CFAP46: variants seen among roughly 807,000 people sequenced by gnomAD.
CFAP46 encodes cilia- and flagella-associated protein 46.
Under a neutral mutation model 325.7 loss-of-function variants are expected in CFAP46, and 245 were observed. The observed-to-expected ratio is 0.75, with a 90% CI of 0.68 to 0.84. The LOEUF (loss-of-function observed/expected upper bound fraction) is 0.84, where lower values mean the gene tolerates loss of function less well. Ranked by LOEUF, CFAP46 falls within the 40% of genes least tolerant of loss-of-function variation. The probability of loss-of-function intolerance (pLI) is 0.00; values close to 1 mark genes in which losing one functional copy is unlikely to be tolerated. For missense variants in CFAP46, 3,346 were observed against 3,543.0 expected (o/e 0.94, Z 1.41); for synonymous variants, 1,523 against 1,495.9 (o/e 1.02, Z -0.42).
At chr10:132,874,409 G>A (rs1373277708) in intron 31 of CFAP46, among the ~76,000 whole-genome samples, 5 of 58,614 alleles carry the variant, frequency 8.5e-5, no homozygotes, top group African/African-American at 2.1e-4. Context: ...AATTATTAGC[G>A]AATAGAAATA....
Position 132,857,618 on chromosome 10 carries a change from C to T in CFAP46, c.5546G>A (p.Ser1849Asn). 1 of 1,612,898 alleles carries T rather than the reference C, an allele frequency of 6.2e-7. No homozygotes were observed. Among genetic ancestry groups the T allele is most frequent in the Non-Finnish European group, 8.5e-7 (1 of 1,179,486 alleles). The change falls in exon 39 of 58, where the codon AGC becomes AAC. Residue 1849 changes from serine (S) to asparagine (N), a missense_variant. Ser to Asn is a conservative substitution (Grantham distance 46). Transcript: ENST00000368586. ...TTGAAGTGACAATAGGCCCTGGACG[C>T]TGTGAAGCCTCCCTTCTTCCTCAGC... ...AMAEEEGRLH[S>N]VQGLLSLQDL...
At position 132,873,955 on chromosome 10, in the gene CFAP46, T is replaced by C. The variant is rs187704292; in HGVS notation, c.4363-1131A>G. Among the ~76,000 whole-genome samples, 1,501 of 152,320 alleles carry C rather than the reference T, an allele frequency of 9.9e-3. 15 individuals carry two copies. Among genetic ancestry groups the C allele is most frequent in the South Asian group, 0.044 (210 of 4,826 alleles). On this transcript the variant is annotated intron_variant, in intron 31 of 57. Coordinates refer to ENST00000368586, the MANE Select transcript of CFAP46 (RefSeq NM_001200049.3). ...CTGTTACAAGAAGAAACAGAAACTC[T>C]GAAGAATTCTATAACTATGAAATAA...
intron 9 of CFAP46, chr10:132,929,129 G>A (rs1031699439): frequency 5.9e-5 from 14 of 237,094 alleles, no homozygotes; most frequent in African/African-American, 1.1e-4. Context: ...TCCGAAACCC[G>A]ATTATACTGT....
intron 48 of CFAP46, 114 bp from the exon 49 acceptor site, chr10:132,834,237 A>C: frequency 2.1e-6 from 2 of 952,864 alleles, no homozygotes; most frequent in African/African-American, 1.6e-5. Flanking sequence ...ACGAATCCCC[A>C]CGCTCACTTC....
intron 25 of CFAP46, among the ~76,000 whole-genome samples, chr10:132,890,538 GT>G (rs1381228139): frequency 6.6e-6 from 1 of 152,130 alleles, no homozygotes; most frequent in Admixed American, 6.5e-5. Flanking sequence ...CCAGTGCGGA[GT>G]CCCCCCCAGA....
intron 33 of CFAP46, among the ~76,000 whole-genome samples, chr10:132,868,457 A>T (rs968718919): frequency 2.0e-5 from 3 of 149,302 alleles, no homozygotes; most frequent in Non-Finnish European, 3.0e-5. Context: ...GGCTGCACAG[A>T]TAACTCACGG....
intron 34 of CFAP46, 79 bp downstream of exon 34, chr10:132,867,296 C>T (rs1257189607): frequency 1.3e-6 from 2 of 1,498,698 alleles, no homozygotes; most frequent in African/African-American, 2.8e-5. Context: ...CCGCCTGGCT[C>T]AGCTGCAGCC....
chr10:132,838,809 C>T (rs993637028), intron 44 of CFAP46, among the ~76,000 whole-genome samples: 8 of 152,270 alleles, frequency 5.3e-5, no homozygotes, highest in Non-Finnish European at 1.0e-4. Flanking sequence ...CTGCTGCACC[C>T]ACGGGCTACT....
intron 37 of CFAP46, 80 bp downstream of exon 37, chr10:132,860,337 G>A (rs1488147803): frequency 1.7e-5 from 18 of 1,084,914 alleles, no homozygotes; most frequent in Non-Finnish European, 2.5e-5. Flanking sequence ...TAGACTTGAC[G>A]TATGGCACAA....
chr10:132,885,283 C>T lies in CFAP46; in HGVS notation c.3447G>A (p.Leu1149=). 6.5e-7 allele frequency: 1 copy of T among 1,543,374 alleles called. No homozygotes were observed. Among genetic ancestry groups the T allele is most frequent in the Non-Finnish European group, 8.8e-7 (1 of 1,142,038 alleles). Residue 1149 remains leucine (L), a synonymous_variant, in exon 27 of 58, where the codon TTG becomes TTA. Transcript: ENST00000368586. ...TCACGATGACCATGTGCTTGAAGAT[C>T]AAGCTAAAGAAAGGGAAGGTGAGAA... ...QVLPRTAHRL[L]IFKHMVIVKA...
At chr10:132,844,008 G>C (rs1312251830) in intron 44 of CFAP46, among the ~76,000 whole-genome samples, 1 of 121,492 alleles carries the variant, frequency 8.2e-6, no homozygotes, top group Non-Finnish European at 1.8e-5. Context: ...CCAGGGTGCT[G>C]TGGGGCTCTG....
At chr10:132,809,469 T>G (rs1215090074) in intron 57 of CFAP46, among the ~76,000 whole-genome samples, 1 of 152,058 alleles carries the variant, frequency 6.6e-6, no homozygotes, top group Non-Finnish European at 1.5e-5. Context: ...GCCTTCCTCC[T>G]GCCCCTCGCT....
rs118188186 is a variant in CFAP46, at chr10:132,832,391, C to T, written c.7117+967G>A. On this transcript the variant is annotated intron_variant, in intron 50 of 57. Coordinates refer to ENST00000368586, the MANE Select transcript of CFAP46 (RefSeq NM_001200049.3). This position sits in a 1 kb window ranked among gnomAD's most constrained non-coding sequence, Gnocchi z 4.1. Reference sequence around the variant, plus strand: ...CGGAGACCCCTGGGCTCTTCCTGCCCCCCCCCCCCAATGCTGTGGCCTGGA... The same window carrying T: ...CGGAGACCCCTGGGCTCTTCCTGCCTCCCCCCCCCAATGCTGTGGCCTGGA... Among the ~76,000 whole-genome samples, 4 of 135,204 alleles carry T rather than the reference C, an allele frequency of 3.0e-5. No individual in the cohort carries two copies. The highest frequency in any genetic ancestry group is 8.5e-5 in the African/African-American group (3 of 35,492). The allele number at this position is 135,204 out of a possible 152,430, so 88.7% of individuals were successfully genotyped here.
chr10:132,909,886 A>G (rs10870353), intron 20 of CFAP46, 33 bp downstream of exon 20: 724,752 of 1,387,444 alleles, frequency 0.52, 194,125 homozygotes, highest in African/African-American at 0.82. Flanking sequence ...ACAGGGCCTC[A>G]GTCAGAGCCC....
At chr10:132,887,223 T>G (rs1849152323) in intron 25 of CFAP46, among the ~76,000 whole-genome samples, 1 of 68,256 alleles carries the variant, frequency 1.5e-5, no homozygotes, top group African/African-American at 9.7e-5. Context: ...TCCCCTCTTC[T>G]CTCTCTCCTC....
chr10:132,870,036 G>A (rs896455963), intron 32 of CFAP46, among the ~76,000 whole-genome samples: 1 of 152,136 alleles, frequency 6.6e-6, no homozygotes, highest in East Asian at 1.9e-4. Flanking sequence ...CTGCTCACTC[G>A]GTGTCTCTGT....
chr10:132,933,538 C>G (rs1259628293), intron 8 of CFAP46, among the ~76,000 whole-genome samples: 1 of 152,242 alleles, frequency 6.6e-6, no homozygotes. Context: ...TATATCCACA[C>G]ACATCCCCAT....
chr10:132,921,579 G>A (rs1466404441), intron 13 of CFAP46, among the ~76,000 whole-genome samples: 1 of 152,162 alleles, frequency 6.6e-6, no homozygotes, highest in Non-Finnish European at 1.5e-5. Flanking sequence ...CCCAGAGCAG[G>A]GTGTGTTGAA....
chr10:132,848,966 G>GA (rs1848488691), intron 41 of CFAP46, among the ~76,000 whole-genome samples: 1 of 152,158 alleles, frequency 6.6e-6, no homozygotes, highest in African/African-American at 2.4e-5. Context: ...TTGAATACAA[G>GA]AAAAAACCCA....
Sources: gnomAD v4.1 joint callset for allele counts (sites outside exome capture counted in the v4.1 genomes callset) on GRCh38, gnomAD v4.1.1 for gene constraint, Gnocchi (gnomAD v3.1) non-coding constraint, MANE v1.5 for transcripts, NCBI Gene and HGNC (gene_info 2026-07-23, HGNC 2026-07-21) for gene names.